Variants in MMP16 observed in about 807,000 individuals in gnomAD.
The protein encoded by MMP16 is matrix metalloproteinase-16.
Under a neutral mutation model 67.8 loss-of-function variants are expected in MMP16, and 12 were observed. That is an observed-to-expected ratio of 0.18 (90% confidence interval 0.11 to 0.29). MMP16 has a LOEUF of 0.29. MMP16 is among the 10% of genes least tolerant of loss of function. The probability of loss-of-function intolerance (pLI) is 1.00; values close to 1 mark genes in which losing one functional copy is unlikely to be tolerated. For synonymous variants in MMP16, 249 were observed against 255.9 expected (o/e 0.97, Z 0.26); for missense variants, 475 against 765.7 (o/e 0.62, Z 4.48).
chr8:88,187,927 C>T (rs551398029), intron 2 of MMP16, among the ~76,000 whole-genome samples: 2 of 152,228 alleles, frequency 1.3e-5, no homozygotes, highest in Admixed American at 1.3e-4. Flanking sequence ...TTAAAAAATA[C>T]ATCTTGTAAA....
At chr8:88,229,118 T>C (rs1809817020) in intron 1 of MMP16, among the ~76,000 whole-genome samples, 1 of 151,938 alleles carries the variant, frequency 6.6e-6, no homozygotes, top group Non-Finnish European at 1.5e-5. Context: ...ACAAACTATA[T>C]GGTTACAATG....
intron 4 of MMP16, among the ~76,000 whole-genome samples, chr8:88,138,294 T>C (rs1808156488): frequency 6.6e-6 from 1 of 152,024 alleles, no homozygotes. Context: ...TTTAAGACCC[T>C]GTTCTAAGGC....
intron 7 of MMP16, among the ~76,000 whole-genome samples, chr8:88,068,485 CT>C (rs1219265268): frequency 6.6e-6 from 1 of 151,998 alleles, no homozygotes; most frequent in Non-Finnish European, 1.5e-5. Flanking sequence ...AGGTCACAAA[CT>C]TTTGTATCCT....
At chr8:88,186,713 T>C (rs1369749646) in intron 2 of MMP16, 115 bp from the exon 3 acceptor site, 5 of 1,367,858 alleles carry the variant, frequency 3.7e-6, no homozygotes, top group Non-Finnish European at 4.9e-6. Flanking sequence ...ACAGTGATGA[T>C]GAAAATGGCA....
In MMP16 at chr8:88,197,208, C is replaced by G. The variant is rs781251258; in HGVS notation, c.231G>C (p.Gln77His). Reference protein sequence around the residue: ...ETMQSALAAMQQFYGINMTGK... With the variant: ...ETMQSALAAMHQFYGINMTGK... ...CTGTCATGTTAATGCCATAGAACTG[C>G]TGCATGGCAGCTAGGGCAGACTGCA... The change falls in exon 2 of 10, where the codon CAG (glutamine) becomes CAC (histidine). Residue 77 changes from glutamine (Q) to histidine (H), a missense_variant. By Grantham distance (24) the Gln-to-His change is conservative (BLOSUM62 0). Transcript: ENST00000286614. 1 of 1,612,208 alleles carries G rather than the reference C, an allele frequency of 6.2e-7. No individual in the cohort carries two copies. The highest frequency in any genetic ancestry group is 1.1e-5 in the South Asian group (1 of 90,838).
At chr8:88,114,016 G>T (rs1809385794) in intron 6 of MMP16, among the ~76,000 whole-genome samples, 1 of 151,884 alleles carries the variant, frequency 6.6e-6, no homozygotes, top group Admixed American at 6.6e-5. Context: ...GAATCAAGTA[G>T]ATCTGTGTTC....
intron 7 of MMP16, among the ~76,000 whole-genome samples, chr8:88,061,172 C>A (rs999256379): frequency 3.5e-5 from 5 of 143,358 alleles, no homozygotes; most frequent in Admixed American, 7.0e-5. Flanking sequence ...ACACACACAC[C>A]CCTCATCCTA....
At chr8:88,274,948 T>A (rs1251727995) in intron 1 of MMP16, among the ~76,000 whole-genome samples, 1 of 136,522 alleles carries the variant, frequency 7.3e-6, no homozygotes, top group Non-Finnish European at 1.5e-5. Context: ...CTCACATTCA[T>A]GCATATGTAT....
At chr8:88,087,800 G>T (rs1299205127) in intron 6 of MMP16, among the ~76,000 whole-genome samples, 2 of 151,232 alleles carry the variant, frequency 1.3e-5, no homozygotes, top group African/African-American at 2.4e-5. Flanking sequence ...AAAAATAGCT[G>T]GGCATGGTGG....
chr8:88,120,353 T>G (rs1324450220), intron 4 of MMP16, among the ~76,000 whole-genome samples: 2 of 151,960 alleles, frequency 1.3e-5, no homozygotes, highest in African/African-American at 2.4e-5. Context: ...CATTTTTAGA[T>G]ATGGAACATC....
intron 4 of MMP16, among the ~76,000 whole-genome samples, chr8:88,157,451 G>A (rs1376551887): frequency 6.6e-6 from 1 of 151,478 alleles, no homozygotes. Flanking sequence ...AGATACCAGG[G>A]GATGGCATAT....
intron 4 of MMP16, among the ~76,000 whole-genome samples, chr8:88,159,438 G>A (rs1017845604): frequency 1.3e-4 from 20 of 152,254 alleles, no homozygotes; most frequent in Middle Eastern, 6.8e-3. Flanking sequence ...GTGAATGGGA[G>A]TTCACTCATG....
intron 8 of MMP16, among the ~76,000 whole-genome samples, chr8:88,051,421 T>C (rs1420369240): frequency 6.6e-6 from 1 of 152,182 alleles, no homozygotes; most frequent in African/African-American, 2.4e-5. Flanking sequence ...ATGAAAGCTA[T>C]TATAAATGAA....
At chr8:88,247,360 T>C (rs1286213194) in intron 1 of MMP16, among the ~76,000 whole-genome samples, 2 of 152,166 alleles carry the variant, frequency 1.3e-5, no homozygotes, top group African/African-American at 4.8e-5. Context: ...ACTCTTTAAA[T>C]AATACAAATT....
At position 88,074,751 on chromosome 8, in the gene MMP16, C is replaced by G; in HGVS notation, c.1084-8G>C. ...TCGCCAAAACCACTGGTCCTGCAAACCAAGCAAAGGCATCTCTCAACAAAC... is the reference window on the plus strand; with the variant it reads ...TCGCCAAAACCACTGGTCCTGCAAAGCAAGCAAAGGCATCTCTCAACAAAC... On this transcript the variant is annotated splice_region_variant and splice_polypyrimidine_tract_variant and intron_variant, in intron 6 of 9. Transcript: ENST00000286614. 1 of 1,610,940 alleles carries G rather than the reference C, an allele frequency of 6.2e-7. No homozygotes were observed. Among genetic ancestry groups the G allele is most frequent in the East Asian group, 2.2e-5 (1 of 44,638 alleles).
At chr8:88,214,266 AT>A (rs1391387675) in intron 1 of MMP16, among the ~76,000 whole-genome samples, 2 of 152,192 alleles carry the variant, frequency 1.3e-5, no homozygotes, top group Non-Finnish European at 2.9e-5. Flanking sequence ...CTGGCTCCAA[AT>A]GCAGGCAAAA....
chr8:88,110,212 C>T (rs1809310789), intron 6 of MMP16, among the ~76,000 whole-genome samples: 1 of 151,328 alleles, frequency 6.6e-6, no homozygotes. Context: ...AAATTGGAAA[C>T]TCAGGTAACT....
chr8:88,193,648 C>T (rs72675167), intron 2 of MMP16, among the ~76,000 whole-genome samples: 2,733 of 151,964 alleles, frequency 0.018, 30 homozygotes, highest in Non-Finnish European at 0.03. Context: ...CCCCAACTAC[C>T]CTGATTTGAT....
At chr8:88,244,454 C>T (rs1357353979) in intron 1 of MMP16, among the ~76,000 whole-genome samples, 3 of 152,140 alleles carry the variant, frequency 2.0e-5, no homozygotes, top group Non-Finnish European at 4.4e-5. Context: ...AGTAAAAACA[C>T]ATCCAATTCA....
Sources: gnomAD v4.1 joint callset for allele counts (sites outside exome capture counted in the v4.1 genomes callset) on GRCh38, gnomAD v4.1.1 for gene constraint, MANE v1.5 for transcripts, NCBI Gene and HGNC (gene_info 2026-07-23, HGNC 2026-07-21) for gene names.